CSNK2A2IP: variants seen among roughly 807,000 people sequenced by gnomAD.
CSNK2A2IP encodes casein kinase II subunit alpha'-interacting protein.
the CSNK2A2IP span, among the ~76,000 whole-genome samples, chr3:88,355,497 G>A: frequency 6.6e-6 from 1 of 152,162 alleles, no homozygotes; most frequent in African/African-American, 2.4e-5. Flanking sequence ...AGAATTCTGG[G>A]TCTAAATGTC....
chr3:88,366,042 C>T, the CSNK2A2IP span, among the ~76,000 whole-genome samples: 18 of 152,230 alleles, frequency 1.2e-4, no homozygotes, highest in Admixed American at 5.9e-4. Context: ...CTGTACCCAA[C>T]GAGATTATAA....
At chr3:88,429,919 ATT>A in the CSNK2A2IP span, among the ~76,000 whole-genome samples, 221 of 142,028 alleles carry the variant, frequency 1.6e-3, no homozygotes, top group Admixed American at 1.4e-3. Context: ...CGCCAGGCTA[ATT>A]TTTTTTTTTT....
chr3:88,367,802 G>C, the CSNK2A2IP span, among the ~76,000 whole-genome samples: 1 of 152,066 alleles, frequency 6.6e-6, no homozygotes, highest in Non-Finnish European at 1.5e-5. Context: ...ATTTGCAAAG[G>C]CTGGTTGAAC....
the CSNK2A2IP span, among the ~76,000 whole-genome samples, chr3:88,378,595 C>T: frequency 6.6e-6 from 1 of 151,950 alleles, no homozygotes; most frequent in Non-Finnish European, 1.5e-5. Flanking sequence ...TTTAAATAGA[C>T]ACGTATGGCT....
At chr3:88,372,041 C>A in the CSNK2A2IP span, among the ~76,000 whole-genome samples, 1 of 151,488 alleles carries the variant, frequency 6.6e-6, no homozygotes, top group Non-Finnish European at 1.5e-5. Flanking sequence ...GACCTTCAGG[C>A]TGAAAAGTAA....
the CSNK2A2IP span, among the ~76,000 whole-genome samples, chr3:88,411,383 A>ATCTATCTATCTATCTATCTATCTG: frequency 1.2e-3 from 66 of 55,070 alleles, no homozygotes; most frequent in African/African-American, 2.7e-3. Flanking sequence ...CTATCTGTCT[A>ATCTATCTATCTATCTATCTATCTG]TCTATCTATC....
At chr3:88,368,769 C>T in the CSNK2A2IP span, among the ~76,000 whole-genome samples, 7 of 151,792 alleles carry the variant, frequency 4.6e-5, no homozygotes, top group African/African-American at 1.7e-4. Context: ...TGATCTGTAC[C>T]CCTTGAAGGG....
chr3:88,425,124 T>C, the CSNK2A2IP span, among the ~76,000 whole-genome samples: 1 of 152,174 alleles, frequency 6.6e-6, no homozygotes, highest in South Asian at 2.1e-4. Context: ...AACTATTATG[T>C]AATTAATTCA....
At chr3:88,364,734 A>T in the CSNK2A2IP span, among the ~76,000 whole-genome samples, 1 of 152,266 alleles carries the variant, frequency 6.6e-6, no homozygotes, top group South Asian at 2.1e-4. Context: ...TTTTTCCACC[A>T]GTTTCCAGCA....
At chr3:88,419,862 A>G in the CSNK2A2IP span, among the ~76,000 whole-genome samples, 5 of 152,182 alleles carry the variant, frequency 3.3e-5, no homozygotes, top group African/African-American at 1.2e-4. Flanking sequence ...TTAAGTGTCA[A>G]GCCAGTCCTT....
chr3:88,428,464 A>T, the CSNK2A2IP span, among the ~76,000 whole-genome samples: 3 of 152,092 alleles, frequency 2.0e-5, no homozygotes, highest in African/African-American at 7.2e-5. Flanking sequence ...GTAGAATGAT[A>T]TGCTTTGGCT....
chr3:88,411,383 A>ATCTG, the CSNK2A2IP span, among the ~76,000 whole-genome samples: 1,821 of 55,000 alleles, frequency 0.033, 23 homozygotes, highest in Admixed American at 0.055. Context: ...CTATCTGTCT[A>ATCTG]TCTATCTATC....
chr3:88,402,676 GAC>G, the CSNK2A2IP span, among the ~76,000 whole-genome samples: 1 of 150,844 alleles, frequency 6.6e-6, no homozygotes, highest in Non-Finnish European at 1.5e-5. Context: ...GCTATGTGTA[GAC>G]ACACACATAT....
the CSNK2A2IP span, among the ~76,000 whole-genome samples, chr3:88,397,572 C>G: frequency 1.8e-4 from 27 of 151,848 alleles, no homozygotes; most frequent in African/African-American, 6.5e-4. Flanking sequence ...TAGTGTATCA[C>G]TAGAAAGATA....
the CSNK2A2IP span, among the ~76,000 whole-genome samples, chr3:88,381,017 G>A: frequency 1.3e-5 from 2 of 152,148 alleles, no homozygotes; most frequent in African/African-American, 4.8e-5. Flanking sequence ...GATTAAATGG[G>A]TTCTCCATGA....
At chr3:88,414,349 C>G in the CSNK2A2IP span, among the ~76,000 whole-genome samples, 2 of 129,606 alleles carry the variant, frequency 1.5e-5, no homozygotes, top group Non-Finnish European at 3.1e-5. Context: ...AAGCCTTGAC[C>G]TCTGCTCACT....
chr3:88,446,715 G>T, the CSNK2A2IP span, among the ~76,000 whole-genome samples: 2 of 152,196 alleles, frequency 1.3e-5, no homozygotes, highest in African/African-American at 4.8e-5. Flanking sequence ...CTTATGAGAT[G>T]GTGAATGTGA....
At chr3:88,402,025 T>C in the CSNK2A2IP span, among the ~76,000 whole-genome samples, 1 of 87,564 alleles carries the variant, frequency 1.1e-5, no homozygotes, top group African/African-American at 6.6e-5. Flanking sequence ...CTGCTATGTC[T>C]TTTTTTTTTT....
At chr3:88,418,272 T>C in the CSNK2A2IP span, among the ~76,000 whole-genome samples, 1 of 151,992 alleles carries the variant, frequency 6.6e-6, no homozygotes. Flanking sequence ...CTCATAAAAG[T>C]TTTCTTTTTT....
Sources: allele counts gnomAD v4.1 joint callset (sites outside exome capture counted in the v4.1 genomes callset), GRCh38; gene constraint gnomAD v4.1.1; transcripts MANE v1.5; gene names NCBI Gene and HGNC (gene_info 2026-07-23, HGNC 2026-07-21).